Variants in MEIS2 observed in about 807,000 individuals in gnomAD.
MEIS2 encodes homeobox protein Meis2.
In MEIS2, 9 loss-of-function variants were observed where a neutral mutation model predicts 58.6. That is an observed-to-expected ratio of 0.15 (90% confidence interval 0.09 to 0.27). The LOEUF is 0.27. Ranked by LOEUF, MEIS2 falls within the 10% of genes least tolerant of loss-of-function variation. The pLI is 1.00. For missense variants in MEIS2, 427 were observed against 635.0 expected, an observed-to-expected ratio of 0.67 and a Z score of 3.52; for synonymous variants, 221 against 228.4, an observed-to-expected ratio of 0.97 and a Z score of 0.29.
At chr15:37,064,255 C>A (rs1376022845) in intron 7 of MEIS2, among the ~76,000 whole-genome samples, 1 of 151,970 alleles carries the variant, frequency 6.6e-6, no homozygotes. Context: ...TGTACATATC[C>A]ACTTATTTTC....
intron 7 of MEIS2, among the ~76,000 whole-genome samples, chr15:37,054,554 C>T (rs1252726026): frequency 6.6e-6 from 1 of 152,198 alleles, no homozygotes; most frequent in Non-Finnish European, 1.5e-5. Context: ...ATAGCTGGGA[C>T]TACAGGCATG....
At position 36,917,163 on chromosome 15, in the gene MEIS2, A is replaced by G. The variant is rs539749607; in HGVS notation, c.978-20477T>C. Among the ~76,000 whole-genome samples the G allele has an allele frequency of 5.9e-5, 9 of 152,358 alleles. No homozygotes were observed. The East Asian group carries it at 1.5e-3, about 26-fold the overall frequency. ...GATCACAAGCTATCTTAAACCCAAC[A>G]GACTCTTTATCCGCTATTTCCCAGT... On this transcript the variant is annotated intron_variant, in intron 9 of 11. Coordinates refer to ENST00000561208, the MANE Select transcript of MEIS2 (RefSeq NM_170675.5).
At chr15:37,029,126 T>C (rs1225060850) in intron 8 of MEIS2, among the ~76,000 whole-genome samples, 1 of 152,186 alleles carries the variant, frequency 6.6e-6, no homozygotes, top group Non-Finnish European at 1.5e-5. Context: ...AATTCACAGA[T>C]GTTTTCTCCT....
chr15:36,895,300 A>G (rs753746156), intron 10 of MEIS2, 39 bp from the exon 11 acceptor site: 1 of 1,555,154 alleles, frequency 6.4e-7, no homozygotes, highest in Admixed American at 1.7e-5. Context: ...GAGAAAGAAG[A>G]AAAGATATAC....
chr15:36,954,595 T>C (rs1265600349), intron 8 of MEIS2, among the ~76,000 whole-genome samples: 1 of 151,982 alleles, frequency 6.6e-6, no homozygotes, highest in Non-Finnish European at 1.5e-5. Context: ...AACTCTTTCA[T>C]GGACATTTTT....
At chr15:36,895,343 T>A in intron 10 of MEIS2, 82 bp from the exon 11 acceptor site, 1 of 1,202,118 alleles carries the variant, frequency 8.3e-7, no homozygotes. Context: ...GCTGCAGCAC[T>A]GAAACGTTAT....
At chr15:37,095,781 A>G (rs1470302463) in intron 3 of MEIS2, 167 bp from the exon 4 acceptor site, 26 of 931,184 alleles carry the variant, frequency 2.8e-5, no homozygotes, top group Non-Finnish European at 3.5e-5. Context: ...CTGAAGAAGA[A>G]TCAGGGCATT....
chr15:37,036,133 A>T (rs955159551), intron 8 of MEIS2, among the ~76,000 whole-genome samples: 1 of 152,242 alleles, frequency 6.6e-6, no homozygotes, highest in Non-Finnish European at 1.5e-5. Context: ...TGCAAACAGG[A>T]AGATAAAGAT....
intron 8 of MEIS2, among the ~76,000 whole-genome samples, chr15:36,990,130 A>T (rs1253136472): frequency 3.3e-5 from 5 of 152,052 alleles, no homozygotes; most frequent in Non-Finnish European, 5.9e-5. Context: ...TATTTTTAGT[A>T]GAGACAGGGT....
chr15:36,961,559 C>A (rs973656399), intron 8 of MEIS2, among the ~76,000 whole-genome samples: 1 of 151,940 alleles, frequency 6.6e-6, no homozygotes, highest in African/African-American at 2.4e-5. Context: ...GTATTCTTGG[C>A]AAAAAATAAG....
At chr15:36,984,279 T>G (rs1218334334) in intron 8 of MEIS2, among the ~76,000 whole-genome samples, 1 of 152,170 alleles carries the variant, frequency 6.6e-6, no homozygotes, top group Non-Finnish European at 1.5e-5. Flanking sequence ...AGCTATAAGC[T>G]TGTCATATAT....
chr15:36,969,440 C>T lies in MEIS2; in HGVS notation c.901-19040G>A, dbSNP rs556023974. On this transcript the variant is annotated intron_variant, in intron 8 of 11. Coordinates refer to ENST00000561208, the MANE Select transcript of MEIS2 (RefSeq NM_170675.5). Reference sequence around the variant, plus strand: ...CTATTCGTCCATCCTTTTCTTCAAACACGAAAGTGTTTTTTCCTTATTTGG... The same window carrying T: ...CTATTCGTCCATCCTTTTCTTCAAATACGAAAGTGTTTTTTCCTTATTTGG... 4.1e-4 allele frequency among the ~76,000 whole-genome samples: 63 copies of T among 152,312 alleles called. 1 individual carries two copies. The South Asian group carries it at 7.9e-3, about 19-fold the overall frequency.
intron 7 of MEIS2, among the ~76,000 whole-genome samples, chr15:37,060,040 G>A (rs1888994545): frequency 6.6e-6 from 1 of 152,126 alleles, no homozygotes; most frequent in Non-Finnish European, 1.5e-5. Flanking sequence ...CGGTCCTCAA[G>A]TGATCTTCCT....
intron 8 of MEIS2, among the ~76,000 whole-genome samples, chr15:36,954,464 T>C (rs1451141386): frequency 1.4e-5 from 2 of 147,970 alleles, no homozygotes; most frequent in Non-Finnish European, 3.0e-5. Context: ...TAATTATATA[T>C]AATTATATAA....
intron 9 of MEIS2, among the ~76,000 whole-genome samples, chr15:36,913,921 A>G (rs2057157540): frequency 6.6e-6 from 1 of 152,264 alleles, no homozygotes; most frequent in South Asian, 2.1e-4. Flanking sequence ...AACTAAACTG[A>G]TATCATATTG....
At chr15:37,024,328 C>T (rs751918240) in intron 8 of MEIS2, among the ~76,000 whole-genome samples, 1 of 152,168 alleles carries the variant, frequency 6.6e-6, no homozygotes, top group African/African-American at 2.4e-5. Flanking sequence ...CACCTCTTCA[C>T]ATATAGTCTT....
chr15:37,045,420 C>T (rs2141777456), intron 7 of MEIS2, among the ~76,000 whole-genome samples: 1 of 151,878 alleles, frequency 6.6e-6, no homozygotes, highest in South Asian at 2.1e-4. Flanking sequence ...GACTACCTTC[C>T]AGGAGTTTAA....
chr15:36,962,484 T>A (rs2059218295), intron 8 of MEIS2, among the ~76,000 whole-genome samples: 1 of 152,230 alleles, frequency 6.6e-6, no homozygotes, highest in South Asian at 2.1e-4. Context: ...TTATAATTCC[T>A]AATAGAATGT....
At chr15:37,041,000 AG>A (rs1430125158) in intron 7 of MEIS2, among the ~76,000 whole-genome samples, 5 of 152,338 alleles carry the variant, frequency 3.3e-5, no homozygotes, top group African/African-American at 1.2e-4. Flanking sequence ...CCTCAGGAAC[AG>A]GTAGGTAATT....
Sources: gnomAD v4.1 joint callset for allele counts (sites outside exome capture counted in the v4.1 genomes callset) on GRCh38, gnomAD v4.1.1 for gene constraint, MANE v1.5 for transcripts, NCBI Gene and HGNC (gene_info 2026-07-23, HGNC 2026-07-21) for gene names.